CDCP1: variants seen among roughly 807,000 people sequenced by gnomAD.
CDCP1 encodes the protein CUB domain containing protein 1.
CDCP1 carries 29 observed loss-of-function variants against 60.2 expected under a neutral mutation model. The ratio of observed to expected loss-of-function variants is 0.48; its 90% CI spans 0.36 to 0.66. The LOEUF is 0.66. Ranked by LOEUF, CDCP1 falls within the 30% of genes least tolerant of loss-of-function variation. The pLI, the probability that CDCP1 is intolerant of heterozygous loss-of-function variation, is 0.00. For missense variants in CDCP1, 876 were observed against 1,074.3 expected (o/e 0.82, Z 2.58); for synonymous variants, 387 against 431.1 (o/e 0.90, Z 1.27).
chr3:45,117,142 G>T (rs1698806158), intron 2 of CDCP1, among the ~76,000 whole-genome samples: 2 of 151,970 alleles, frequency 1.3e-5, no homozygotes, highest in African/African-American at 4.8e-5. Context: ...CTAAGGTATG[G>T]CTTTGATTGG....
At chr3:45,119,808 T>C (rs1017131484) in intron 1 of CDCP1, among the ~76,000 whole-genome samples, 3 of 152,220 alleles carry the variant, frequency 2.0e-5, no homozygotes, top group Admixed American at 1.3e-4. Context: ...ACAATCAGGA[T>C]ATACAAATAT....
chr3:45,131,686 T>C (rs1010487766), intron 1 of CDCP1, among the ~76,000 whole-genome samples: 4 of 152,174 alleles, frequency 2.6e-5, no homozygotes, highest in Non-Finnish European at 5.9e-5. Flanking sequence ...TGGATTACTA[T>C]GGAAGGGAGG....
chr3:45,145,285 A>C (rs1699358346), intron 1 of CDCP1, among the ~76,000 whole-genome samples: 1 of 152,132 alleles, frequency 6.6e-6, no homozygotes, highest in Non-Finnish European at 1.5e-5. Context: ...GGCTTCCTGG[A>C]GAGCTCTATT....
intron 8 of CDCP1, among the ~76,000 whole-genome samples, chr3:45,087,738 G>C (rs1698219597): frequency 6.6e-6 from 1 of 152,172 alleles, no homozygotes; most frequent in Non-Finnish European, 1.5e-5. Context: ...AGAATTTTTT[G>C]GCTGGGTGTG....
At position 45,119,226 on chromosome 3, in the gene CDCP1, T is replaced by C. The variant is rs185721927; in HGVS notation, c.83-605A>G. ...GCAAAACAATGCTATTATCTCAGAT[T>C]GGGGTTTAGAAAAAACACCTGAGCA... On this transcript the variant is annotated intron_variant, in intron 1 of 8. Coordinates refer to ENST00000296129, the MANE Select transcript of CDCP1 (RefSeq NM_022842.5). 1.2e-3 allele frequency among the ~76,000 whole-genome samples: 176 copies of C among 152,314 alleles called. 2 individuals carry two copies. The highest frequency in any genetic ancestry group is 4.0e-3 in the African/African-American group (166 of 41,568).
chr3:45,117,578 A>G (rs1423897669), intron 2 of CDCP1, among the ~76,000 whole-genome samples: 1 of 148,714 alleles, frequency 6.7e-6, no homozygotes, highest in Non-Finnish European at 1.5e-5. Flanking sequence ...CAATTGCTCT[A>G]TCTTTATCTC....
intron 6 of CDCP1, among the ~76,000 whole-genome samples, chr3:45,092,733 C>T (rs920443745): frequency 2.0e-5 from 3 of 152,162 alleles, no homozygotes; most frequent in African/African-American, 7.2e-5. Flanking sequence ...CGTTGTGAGC[C>T]ATTTAGACCT....
intron 2 of CDCP1, among the ~76,000 whole-genome samples, chr3:45,114,413 C>CT (rs10688307): frequency 0.04 from 5,737 of 143,870 alleles, 337 homozygotes; most frequent in African/African-American, 0.12. Flanking sequence ...CATTAACTCT[C>CT]TTTTTTTTTT....
rs757039550 is a variant in CDCP1, at chr3:45,093,458, G to T, written c.1446C>A (p.Tyr482Ter). The change falls in exon 6 of 9, where the codon TAC becomes TAA. Residue 482 changes from tyrosine to a stop codon, truncating the protein, a stop_gained. Coordinates refer to ENST00000296129, the MANE Select transcript of CDCP1 (RefSeq NM_022842.5). LOFTEE classifies it high-confidence loss of function. ...GGCTGGGTATGGCACTGGCCACGAGGTAGCTGAAGCTGGTGTTGCAGGGCT... is the reference window on the plus strand; with the variant it reads ...GGCTGGGTATGGCACTGGCCACGAGTTAGCTGAAGCTGGTGTTGCAGGGCT... The part of the protein sequence containing the change: ...HEKPCNTSFS[Y>*]LVASAIPSQD... 1 of 1,614,098 alleles carries T rather than the reference G, an allele frequency of 6.2e-7. No individual in the cohort carries two copies. The highest frequency in any genetic ancestry group is 8.5e-7 in the Non-Finnish European group (1 of 1,179,948).
chr3:45,143,300 C>A (rs1206031286), intron 1 of CDCP1, among the ~76,000 whole-genome samples: 1 of 152,206 alleles, frequency 6.6e-6, no homozygotes, highest in Non-Finnish European at 1.5e-5. Flanking sequence ...CATTTTATAA[C>A]CTTGGCAACA....
chr3:45,107,364 G>A (rs1341450904), intron 4 of CDCP1, among the ~76,000 whole-genome samples: 5 of 151,852 alleles, frequency 3.3e-5, no homozygotes, highest in Non-Finnish European at 5.9e-5. Flanking sequence ...CTGCCACCAC[G>A]CCCGGCTAAT....
intron 6 of CDCP1, among the ~76,000 whole-genome samples, chr3:45,092,102 A>G (rs1698304675): frequency 6.6e-6 from 1 of 152,204 alleles, no homozygotes; most frequent in Admixed American, 6.5e-5. Flanking sequence ...GCCTCATATT[A>G]ATTTAAATTC....
At chr3:45,130,639 T>A (rs1699075089) in intron 1 of CDCP1, among the ~76,000 whole-genome samples, 1 of 152,178 alleles carries the variant, frequency 6.6e-6, no homozygotes, top group South Asian at 2.1e-4. Context: ...ACGGTTCTTG[T>A]TACAACAAAT....
chr3:45,146,321 C>G lies in CDCP1; in HGVS notation c.-34G>C. ...GACGCCTCGGCCTCGGTGGGGAAAA[C>G]GACGGTGGGGAGCGGCGGCCCCAGG... is the stretch of plus-strand genomic sequence containing the variant. On this transcript the variant is annotated 5_prime_UTR_variant, in exon 1 of 9. Transcript: ENST00000296129. 6.5e-7 allele frequency: 1 copy of G among 1,530,090 alleles called. No individual in the cohort carries two copies. The highest frequency in any genetic ancestry group is 1.4e-5 in the African/African-American group (1 of 69,398). The allele number at this position is 1,530,090 out of a possible 1,614,324, so 94.8% of individuals were successfully genotyped here.
chr3:45,118,682 C>A, intron 1 of CDCP1, 61 bp from the exon 2 acceptor site: 1 of 1,358,636 alleles, frequency 7.4e-7, no homozygotes, highest in South Asian at 1.2e-5. Flanking sequence ...CTGCTGTGGT[C>A]CCCGACCCCA....
chr3:45,117,411 C>T (rs1402290670), intron 2 of CDCP1, among the ~76,000 whole-genome samples: 1 of 151,896 alleles, frequency 6.6e-6, no homozygotes, highest in Non-Finnish European at 1.5e-5. Context: ...TACAATAATC[C>T]TTATTTTATA....
At chr3:45,121,007 C>T (rs1285552010) in intron 1 of CDCP1, among the ~76,000 whole-genome samples, 2 of 152,102 alleles carry the variant, frequency 1.3e-5, no homozygotes, top group African/African-American at 2.4e-5. Flanking sequence ...TAGTGGTAGC[C>T]CCACGACCAA....
At chr3:45,090,583 A>C (rs1327655590) in intron 7 of CDCP1, among the ~76,000 whole-genome samples, 3 of 152,238 alleles carry the variant, frequency 2.0e-5, no homozygotes, top group Non-Finnish European at 4.4e-5. Flanking sequence ...AGGTGTGAAG[A>C]GACTTCCCCT....
intron 1 of CDCP1, among the ~76,000 whole-genome samples, chr3:45,127,529 C>G (rs1199953548): frequency 6.6e-6 from 1 of 152,236 alleles, no homozygotes; most frequent in Non-Finnish European, 1.5e-5. Context: ...CTTCTCTAGA[C>G]AGCTGTCAAT....
Sources: allele counts gnomAD v4.1 joint callset (sites outside exome capture counted in the v4.1 genomes callset), GRCh38; gene constraint gnomAD v4.1.1; transcripts MANE v1.5; gene names NCBI Gene and HGNC (gene_info 2026-07-23, HGNC 2026-07-21).